PLK4: variants seen among roughly 807,000 people sequenced by gnomAD.
The protein encoded by PLK4 is polo like kinase 4, also known as serine/threonine-protein kinase PLK4.
PLK4 carries 51 observed loss-of-function variants against 103.0 expected under a neutral mutation model. The ratio of observed to expected loss-of-function variants is 0.50; its 90% confidence interval spans 0.40 to 0.63. PLK4 has a LOEUF of 0.63. PLK4 is among the 20% of genes least tolerant of loss of function. The pLI is 0.00. For synonymous variants in PLK4, 389 were observed against 376.8 expected (o/e 1.03, Z -0.38); for missense variants, 1,054 against 1,151.0 (o/e 0.92, Z 1.22).
In PLK4 at chr4:127,885,506, TATG is replaced by T. The variant is rs538724995; in HGVS notation, c.338-199_338-197del. On this transcript the variant is annotated intron_variant, in intron 4 of 15. Coordinates refer to ENST00000270861, the MANE Select transcript of PLK4 (RefSeq NM_014264.5). Reference sequence around the variant, plus strand: ...AAAAAAAAAAAAAAAAAAAGGTTAATATGATCTCTTTAGAGGGGTGTGTTGGTA... The same window carrying T: ...AAAAAAAAAAAAAAAAAAAGGTTAATATCTCTTTAGAGGGGTGTGTTGGTA... 3.8e-3 allele frequency among the ~76,000 whole-genome samples: 554 copies of T among 145,304 alleles called. 2 individuals are homozygous for T. Among genetic ancestry groups the T allele is most frequent in the Middle Eastern group, 7.1e-3 (2 of 280 alleles).
At chr4:127,893,443 C>G (rs761739305) in intron 11 of PLK4, 25 bp downstream of exon 11, 1 of 1,599,768 alleles carries the variant, frequency 6.3e-7, no homozygotes, top group Admixed American at 1.7e-5. Flanking sequence ...GTAGGTTTTT[C>G]ATACCAATTA....
chr4:127,894,988 A>C lies in PLK4; in HGVS notation c.2598A>C (p.Thr866=). Residue 866 remains threonine (T), a synonymous_variant, in exon 14 of 16, where the codon ACA becomes ACC. Coordinates refer to ENST00000270861, the MANE Select transcript of PLK4 (RefSeq NM_014264.5). ...ATGAAGGACTTGGTCTTACAACTAC[A>C]GCTTCTGGAACAGACATCTCTTCTA... ...VTNEGLGLTT[T]ASGTDISSNS... 1 of 1,605,552 alleles carries C rather than the reference A, an allele frequency of 6.2e-7. No individual in the cohort carries two copies. Among genetic ancestry groups the C allele is most frequent in the Non-Finnish European group, 8.5e-7 (1 of 1,173,450 alleles).
chr4:127,881,200 G>C (rs1355136209), intron 1 of PLK4, 36 bp downstream of exon 1: 1 of 1,613,634 alleles, frequency 6.2e-7, no homozygotes, highest in Non-Finnish European at 8.5e-7. Context: ...GGGGCGGGTG[G>C]GAGTAATTGT....
chr4:127,885,804 C>A lies in PLK4; in HGVS notation c.434C>A (p.Thr145Asn). 6.2e-7 allele frequency: 1 copy of A among 1,613,956 alleles called. No homozygotes were observed. Among genetic ancestry groups the A allele is most frequent in the Non-Finnish European group, 8.5e-7 (1 of 1,179,848 alleles). Residue 145 changes from threonine (T) to asparagine (N), a missense_variant, in exon 5 of 16, where the codon ACT becomes AAT. This residue lies in a region of PLK4 where 199 missense variants were observed against 270.1 expected (regional missense o/e 0.74). Transcript: ENST00000270861. ...RDLTLSNLLL[T>N]RNMNIKIADF... is the part of the protein sequence containing the mutation. ...CTCACACTTTCTAACCTCCTACTGA[C>A]TCGTAATATGAACATCAAGATTGCT...
rs757272706 is a variant in PLK4, at chr4:127,896,808, G to A, written c.2711G>A (p.Ser904Asn). ...KNVGWATQLT[S>N]GAVWVQFNDG... ...TGCTTATTATTTTTCTAGTTAACTA[G>A]TGGAGCTGTGTGGGTTCAGTTTAAT... Residue 904 changes from serine (S) to asparagine (N), a missense_variant, in exon 15 of 16, where the codon AGT (serine) becomes AAT (asparagine). Ser to Asn is a conservative substitution (Grantham distance 46). Transcript: ENST00000270861. 1.9e-6 allele frequency: 3 copies of A among 1,594,432 alleles called. No homozygotes were observed. The highest frequency in any genetic ancestry group is 2.2e-5 in the South Asian group (2 of 90,294).
intron 15 of PLK4, among the ~76,000 whole-genome samples, chr4:127,898,155 G>A (rs1384939201): frequency 6.6e-6 from 1 of 152,040 alleles, no homozygotes; most frequent in Non-Finnish European, 1.5e-5. Context: ...TAAATTTAAT[G>A]AGGAATCCAG....
intron 14 of PLK4, 47 bp from the exon 15 acceptor site, chr4:127,896,750 GTTTT>G: frequency 6.1e-6 from 5 of 821,532 alleles, no homozygotes; most frequent in South Asian, 1.7e-5. Flanking sequence ...TACTACTGCT[GTTTT>G]TTTTTTTTTC....
intron 6 of PLK4, among the ~76,000 whole-genome samples, chr4:127,888,758 T>C (rs958684735): frequency 2.6e-5 from 4 of 152,054 alleles, no homozygotes; most frequent in African/African-American, 9.7e-5. Context: ...AAAAGAGACA[T>C]ATGGAGAGGA....
At chr4:127,883,739 G>A (rs922678538) in intron 4 of PLK4, among the ~76,000 whole-genome samples, 186 bp downstream of exon 4, 3 of 152,044 alleles carry the variant, frequency 2.0e-5, no homozygotes, top group Admixed American at 6.6e-5. Context: ...CAATTATTAC[G>A]GTAGTAAAGT....
Position 127,890,223 on chromosome 4 carries a change from C to T in PLK4, c.1817C>T (p.Thr606Ile). Reference sequence around the variant, plus strand: ...AGGTTAAAACCAATCAGACAGAAAACCAAAAAGGCTGTGGTATGTCTGTTA... The same window carrying T: ...AGGTTAAAACCAATCAGACAGAAAATCAAAAAGGCTGTGGTATGTCTGTTA... ...AHRLKPIRQK[T>I]KKAVVSILDS... The change falls in exon 7 of 16, where the codon ACC (threonine) becomes ATC (isoleucine). Residue 606 changes from threonine to isoleucine, a missense_variant. Coordinates refer to ENST00000270861, the MANE Select transcript of PLK4 (RefSeq NM_014264.5). 1.3e-6 allele frequency: 2 copies of T among 1,594,754 alleles called. No homozygotes were observed. The highest frequency in any genetic ancestry group is 1.1e-5 in the South Asian group (1 of 88,632).
intron 2 of PLK4, among the ~76,000 whole-genome samples, chr4:127,882,719 T>C (rs1398794497): frequency 1.3e-5 from 2 of 151,910 alleles, no homozygotes; most frequent in African/African-American, 4.8e-5. Flanking sequence ...GATCGCGCCA[T>C]TGCACTCCAG....
At chr4:127,898,308 T>C (rs555850799) in intron 15 of PLK4, 131 bp from the exon 16 acceptor site, 13 of 565,634 alleles carry the variant, frequency 2.3e-5, no homozygotes, top group African/African-American at 2.1e-4. Flanking sequence ...TAATAAATAA[T>C]TGTTATAATT....
intron 13 of PLK4, among the ~76,000 whole-genome samples, chr4:127,894,519 C>T (rs1735490161): frequency 6.6e-6 from 1 of 151,942 alleles, no homozygotes; most frequent in Non-Finnish European, 1.5e-5. Flanking sequence ...TGAGCCACCA[C>T]GCCTGGCTAG....
Position 127,898,491 on chromosome 4 carries a change from C to T in PLK4, c.2863C>T (p.Leu955=). 1 of 1,589,720 alleles carries T rather than the reference C, an allele frequency of 6.3e-7. No individual in the cohort carries two copies. The highest frequency in any genetic ancestry group is 1.1e-5 in the South Asian group (1 of 89,400). The change falls in exon 16 of 16, where the codon CTG becomes TTG. Residue 955 remains leucine (L), a synonymous_variant. Transcript: ENST00000270861. ...PDYIKQKLQC[L]SSILLMFSNP... ...CTACATCAAACAGAAATTACAGTGT[C>T]TGTCTTCCATCCTTTTGATGTTTTC...
chr4:127,881,226 C>T, intron 1 of PLK4, 62 bp downstream of exon 1: 1 of 1,611,254 alleles, frequency 6.2e-7, no homozygotes, highest in Non-Finnish European at 8.5e-7. Context: ...GACACGAGAC[C>T]GCTGTGGGAA....
At chr4:127,896,936 C>T in intron 15 of PLK4, 29 bp downstream of exon 15, 1 of 1,127,694 alleles carries the variant, frequency 8.9e-7, no homozygotes, top group Non-Finnish European at 1.3e-6. Flanking sequence ...GGTCGAGATT[C>T]AGCCCTTTGC....
intron 6 of PLK4, among the ~76,000 whole-genome samples, chr4:127,889,559 G>A (rs1171107435): frequency 6.6e-6 from 1 of 152,116 alleles, no homozygotes; most frequent in Non-Finnish European, 1.5e-5. Context: ...CATGCTTTAG[G>A]ATTAATAGGT....
intron 10 of PLK4, chr4:127,892,782 A>T (rs1018544785): frequency 3.7e-6 from 1 of 267,460 alleles, no homozygotes. Flanking sequence ...TGATGGTATA[A>T]AAATCACATG....
chr4:127,894,261 G>T (rs1735476483), intron 13 of PLK4, among the ~76,000 whole-genome samples: 1 of 151,822 alleles, frequency 6.6e-6, no homozygotes, highest in Non-Finnish European at 1.5e-5. Flanking sequence ...TTTTGAGACG[G>T]AGTCACCCAG....
Sources: gnomAD v4.1 joint callset for allele counts (sites outside exome capture counted in the v4.1 genomes callset) on GRCh38, gnomAD v4.1.1 for gene constraint, gnomAD v4.1.1 regional missense constraint, MANE v1.5 for transcripts, NCBI Gene and HGNC (gene_info 2026-07-23, HGNC 2026-07-21) for gene names.